The following NRG1 variants were observed in gnomAD, a reference collection of about 807,000 sequenced individuals.
NRG1 encodes neuregulin 1, also known as pro-neuregulin-1, membrane-bound isoform.
Under a neutral mutation model 63.8 loss-of-function variants are expected in NRG1, and 18 were observed. That is an observed-to-expected ratio of 0.28 (90% CI 0.19 to 0.42). The LOEUF (loss-of-function observed/expected upper bound fraction) is 0.42. Ranked by LOEUF, NRG1 falls within the 10% of genes least tolerant of loss-of-function variation. The pLI is 1.00. For missense variants in NRG1, 762 were observed against 814.7 expected, an observed-to-expected ratio of 0.94 and a Z score of 0.79; for synonymous variants, 302 against 301.3, an observed-to-expected ratio of 1.00 and a Z score of -0.02.
At chr8:32,773,418 G>A (rs1785265266) in intron 7 of NRG1, among the ~76,000 whole-genome samples, 1 of 152,130 alleles carries the variant, frequency 6.6e-6, no homozygotes, top group Non-Finnish European at 1.5e-5. Flanking sequence ...TCCACTCGGG[G>A]TCAAAATCAT....
intron 1 of NRG1, among the ~76,000 whole-genome samples, chr8:32,109,709 G>C (rs1831752670): frequency 6.6e-6 from 1 of 152,038 alleles, no homozygotes; most frequent in Non-Finnish European, 1.5e-5. Flanking sequence ...AGCTGAAGGG[G>C]AAAATGAAAG....
At chr8:32,746,327 G>A (rs1042355330) in intron 7 of NRG1, among the ~76,000 whole-genome samples, 10 of 152,114 alleles carry the variant, frequency 6.6e-5, no homozygotes, top group East Asian at 1.9e-4. Context: ...AACTCCTTTC[G>A]AAATCTCAGC....
chr8:32,598,071 G>A (rs1345201179), intron 2 of NRG1, among the ~76,000 whole-genome samples: 4 of 152,274 alleles, frequency 2.6e-5, no homozygotes, highest in Admixed American at 1.3e-4. Flanking sequence ...TAATATTTAA[G>A]TGCCCATGAA....
intron 1 of NRG1, among the ~76,000 whole-genome samples, chr8:31,978,948 T>G (rs1166733390): frequency 6.6e-6 from 1 of 152,176 alleles, no homozygotes. Flanking sequence ...TTATTTTATT[T>G]TAGTAATTAA....
intron 1 of NRG1, among the ~76,000 whole-genome samples, chr8:32,112,899 C>T (rs1832221297): frequency 6.6e-6 from 1 of 152,152 alleles, no homozygotes; most frequent in African/African-American, 2.4e-5. Context: ...ACTCTCTAAG[C>T]CACAGTATTC....
chr8:31,768,786 G>A (rs1308493658), intron 1 of NRG1, among the ~76,000 whole-genome samples: 1 of 152,180 alleles, frequency 6.6e-6, no homozygotes, highest in African/African-American at 2.4e-5. Flanking sequence ...AGAAGAATCT[G>A]CTCCCCTTGT....
At chr8:32,254,934 C>G (rs1586422135) in intron 1 of NRG1, among the ~76,000 whole-genome samples, 1 of 152,160 alleles carries the variant, frequency 6.6e-6, no homozygotes, top group Non-Finnish European at 1.5e-5. Flanking sequence ...TTGCATTGAT[C>G]TCTTTACCAT....
chr8:31,640,653 C>T lies in NRG1; in HGVS notation c.37+1222C>T, dbSNP rs1245477002. Reference sequence around the variant, plus strand: ...GCACCAGCCGCGCGCCGGCCGCCTTCCGAGCCTCTTTCCCCCCTCTGGAGA... The same window carrying T: ...GCACCAGCCGCGCGCCGGCCGCCTTTCGAGCCTCTTTCCCCCCTCTGGAGA... On this transcript the variant is annotated intron_variant, in intron 1 of 10. Transcript: ENST00000519301. This position sits in a 1 kb window ranked among gnomAD's most constrained non-coding sequence, Gnocchi z 6.3. 6.2e-7 allele frequency: 1 copy of T among 1,609,052 alleles called. No individual in the cohort carries two copies. Among genetic ancestry groups the T allele is most frequent in the Non-Finnish European group, 8.5e-7 (1 of 1,178,570 alleles).
intron 1 of NRG1, among the ~76,000 whole-genome samples, chr8:32,439,344 C>T (rs762104544): frequency 6.6e-6 from 1 of 152,178 alleles, no homozygotes; most frequent in Admixed American, 6.5e-5. Flanking sequence ...CAGGGACTTA[C>T]ATTTTACTGG....
intron 1 of NRG1, among the ~76,000 whole-genome samples, chr8:32,100,228 T>C (rs1033825445): frequency 8.5e-5 from 13 of 152,228 alleles, no homozygotes; most frequent in African/African-American, 3.1e-4. Context: ...ACTGTGATGA[T>C]AGAACCCAAA....
At chr8:31,660,119 G>A (rs1042331870) in intron 1 of NRG1, among the ~76,000 whole-genome samples, 9 of 152,238 alleles carry the variant, frequency 5.9e-5, no homozygotes, top group South Asian at 2.1e-4. Context: ...GAAACGCAAC[G>A]TATGTGACAG....
intron 5 of NRG1, among the ~76,000 whole-genome samples, chr8:32,662,811 A>G (rs1422177901): frequency 6.6e-6 from 1 of 152,128 alleles, no homozygotes; most frequent in Non-Finnish European, 1.5e-5. Flanking sequence ...TGAGATGGAG[A>G]TGATCTAAAG....
At chr8:32,594,459 T>G (rs1318506555) in intron 1 of NRG1, among the ~76,000 whole-genome samples, 1 of 152,208 alleles carries the variant, frequency 6.6e-6, no homozygotes, top group Non-Finnish European at 1.5e-5. Context: ...TATTCATCTA[T>G]GCTTTTAAGA....
chr8:32,619,664 G>A (rs1047119758), intron 5 of NRG1, among the ~76,000 whole-genome samples: 1 of 152,194 alleles, frequency 6.6e-6, no homozygotes, highest in Non-Finnish European at 1.5e-5. Flanking sequence ...TAGAGAAAGA[G>A]AAAAGCCATA....
At chr8:32,203,790 A>G (rs956886939) in intron 1 of NRG1, among the ~76,000 whole-genome samples, 4 of 152,188 alleles carry the variant, frequency 2.6e-5, no homozygotes, top group African/African-American at 7.2e-5. Flanking sequence ...CTCCATCCTC[A>G]TGGCACTTAC....
intron 1 of NRG1, among the ~76,000 whole-genome samples, chr8:32,125,534 T>C (rs1264302917): frequency 6.6e-6 from 1 of 151,918 alleles, no homozygotes; most frequent in Non-Finnish European, 1.5e-5. Flanking sequence ...TACTCAAAAA[T>C]CTGCAACAAT....
At chr8:31,711,453 T>TTA (rs1811733381) in intron 1 of NRG1, among the ~76,000 whole-genome samples, 2 of 152,162 alleles carry the variant, frequency 1.3e-5, no homozygotes, top group Admixed American at 1.3e-4. Flanking sequence ...TATAAGTAAT[T>TTA]TACTGTTTTT....
At chr8:32,109,190 G>A (rs1831672298) in intron 1 of NRG1, among the ~76,000 whole-genome samples, 1 of 152,142 alleles carries the variant, frequency 6.6e-6, no homozygotes, top group African/African-American at 2.4e-5. Context: ...AGGGCCCAAT[G>A]ATATGAGCAG....
At chr8:32,034,227 G>C in intron 1 of NRG1, among the ~76,000 whole-genome samples, 1 of 152,202 alleles carries the variant, frequency 6.6e-6, no homozygotes, top group East Asian at 1.9e-4. Flanking sequence ...TTTGTCATTG[G>C]TTCTGTTTAT....
Sources: allele counts gnomAD v4.1 joint callset (sites outside exome capture counted in the v4.1 genomes callset), GRCh38; gene constraint gnomAD v4.1.1; non-coding constraint Gnocchi (gnomAD v3.1); transcripts MANE v1.5; gene names NCBI Gene and HGNC (gene_info 2026-07-23, HGNC 2026-07-21).